The following FARS2 variants were observed in gnomAD, a reference collection of about 807,000 sequenced individuals.
FARS2 encodes phenylalanine--tRNA ligase, mitochondrial.
In FARS2, 40 loss-of-function variants were observed where a neutral mutation model predicts 46.4. The ratio of observed to expected loss-of-function variants is 0.86; its 90% confidence interval spans 0.67 to 1.12. The LOEUF (loss-of-function observed/expected upper bound fraction) is 1.12. Among genes scored for constraint, FARS2 ranks in the 50% most tolerant of loss-of-function variants. The pLI is 0.00. For synonymous variants in FARS2, 234 were observed against 214.9 expected (o/e 1.09, Z -0.78); for missense variants, 513 against 567.9 (o/e 0.90, Z 0.98).
chr6:5,686,128 G>A (rs1025147808), intron 6 of FARS2, among the ~76,000 whole-genome samples: 1 of 152,168 alleles, frequency 6.6e-6, no homozygotes, highest in Non-Finnish European at 1.5e-5. Context: ...GCCATAGTGA[G>A]TGCTCAATAG....
intron 6 of FARS2, among the ~76,000 whole-genome samples, chr6:5,753,342 A>G (rs192877837): frequency 1.3e-4 from 20 of 152,320 alleles, no homozygotes; most frequent in African/African-American, 4.6e-4. Context: ...CAGAATTTAT[A>G]TTTAAACCTC....
chr6:5,605,697 A>G (rs1401198869), intron 5 of FARS2, among the ~76,000 whole-genome samples: 1 of 152,208 alleles, frequency 6.6e-6, no homozygotes, highest in African/African-American at 2.4e-5. Context: ...CAAATCAGCA[A>G]TCAGAATGTG....
chr6:5,670,064 G>T (rs947795355), intron 6 of FARS2, among the ~76,000 whole-genome samples: 2 of 152,024 alleles, frequency 1.3e-5, no homozygotes, highest in African/African-American at 2.4e-5. Flanking sequence ...TCTTTCGTAG[G>T]CCTCCTTAAA....
intron 6 of FARS2, among the ~76,000 whole-genome samples, chr6:5,740,410 G>C (rs183488100): frequency 2.0e-5 from 3 of 152,230 alleles, no homozygotes; most frequent in Admixed American, 2.0e-4. Context: ...TTTTACCAAT[G>C]AGGTAAGTAA....
intron 4 of FARS2, among the ~76,000 whole-genome samples, chr6:5,537,340 T>C (rs1219463412): frequency 6.6e-6 from 1 of 152,262 alleles, no homozygotes; most frequent in Non-Finnish European, 1.5e-5. Context: ...CAATAACATT[T>C]ATTTTTAGTC....
chr6:5,422,163 T>TC (rs1175136226), intron 3 of FARS2, among the ~76,000 whole-genome samples: 3 of 152,048 alleles, frequency 2.0e-5, no homozygotes, highest in Non-Finnish European at 4.4e-5. Flanking sequence ...GCAGGGAAAC[T>TC]CCTGTTTTTA....
At chr6:5,687,824 A>C (rs1459777385) in intron 6 of FARS2, among the ~76,000 whole-genome samples, 1 of 152,096 alleles carries the variant, frequency 6.6e-6, no homozygotes, top group Non-Finnish European at 1.5e-5. Context: ...GATTCTTCCT[A>C]CCCATGAGTG....
intron 4 of FARS2, among the ~76,000 whole-genome samples, chr6:5,492,008 C>A (rs555401008): frequency 6.6e-6 from 1 of 152,034 alleles, no homozygotes; most frequent in Non-Finnish European, 1.5e-5. Context: ...ACTTCTTGAC[C>A]TCCCCAATAT....
At chr6:5,511,010 T>TC (rs1768418117) in intron 4 of FARS2, among the ~76,000 whole-genome samples, 1 of 152,164 alleles carries the variant, frequency 6.6e-6, no homozygotes, top group African/African-American at 2.4e-5. Flanking sequence ...CTGAGTTGTC[T>TC]CCCATGCTTG....
chr6:5,322,102 A>C (rs1472234936), intron 1 of FARS2, among the ~76,000 whole-genome samples: 1 of 152,216 alleles, frequency 6.6e-6, no homozygotes, highest in Non-Finnish European at 1.5e-5. Context: ...GTGACCAAAA[A>C]CAAACACGTG....
intron 6 of FARS2, among the ~76,000 whole-genome samples, chr6:5,625,763 ACT>A (rs1267900665): frequency 6.6e-6 from 1 of 152,082 alleles, no homozygotes; most frequent in Non-Finnish European, 1.5e-5. Flanking sequence ...GGGATGCGGG[ACT>A]CTGCTGTTAC....
At chr6:5,443,011 A>G (rs1293287654) in intron 4 of FARS2, among the ~76,000 whole-genome samples, 1 of 152,244 alleles carries the variant, frequency 6.6e-6, no homozygotes, top group Admixed American at 6.5e-5. Flanking sequence ...TATAAGAAAC[A>G]TCTGGAAAGC....
At chr6:5,634,782 C>T (rs1776463216) in intron 6 of FARS2, among the ~76,000 whole-genome samples, 1 of 152,188 alleles carries the variant, frequency 6.6e-6, no homozygotes, top group African/African-American at 2.4e-5. Flanking sequence ...CACAGTGTAG[C>T]CAGAAGTAAC....
chr6:5,360,311 A>G (rs1472136079), intron 1 of FARS2, among the ~76,000 whole-genome samples: 3 of 152,186 alleles, frequency 2.0e-5, no homozygotes. Flanking sequence ...TCATTCATGG[A>G]AGAAGCAGTT....
the FARS2 span, among the ~76,000 whole-genome samples, chr6:5,254,591 C>A: frequency 6.6e-6 from 1 of 152,210 alleles, no homozygotes; most frequent in Non-Finnish European, 1.5e-5. Context: ...TTTCTGGTAA[C>A]TGTGTATGTG....
At chr6:5,263,908 C>T (rs1185013205) in intron 1 of FARS2, among the ~76,000 whole-genome samples, 10 of 152,074 alleles carry the variant, frequency 6.6e-5, no homozygotes, top group Admixed American at 2.6e-4. Flanking sequence ...TAGTAACTTA[C>T]GATATTATTT....
At chr6:5,691,500 A>G (rs541342712) in intron 6 of FARS2, among the ~76,000 whole-genome samples, 6 of 152,350 alleles carry the variant, frequency 3.9e-5, no homozygotes, top group Non-Finnish European at 7.3e-5. Flanking sequence ...GCTGCAGAAC[A>G]GCGGATACTG....
At chr6:5,586,647 T>TTTTC (rs905213004) in intron 5 of FARS2, among the ~76,000 whole-genome samples, 8 of 152,110 alleles carry the variant, frequency 5.3e-5, no homozygotes, top group Admixed American at 1.3e-4. Context: ...TTGTCTGTAC[T>TTTTC]TTTCTTTCTT....
At chr6:5,315,761 T>TCTTTCTTTCTTCCTTTCTTTCTTTC (rs1561952069) in intron 1 of FARS2, among the ~76,000 whole-genome samples, 2 of 132,636 alleles carry the variant, frequency 1.5e-5, no homozygotes, top group Non-Finnish European at 1.6e-5. Flanking sequence ...TTTCTTTCTT[T>TCTTTCTTTCTTCCTTTCTTTCTTTC]TTTTTGGGGA....
Sources: allele counts gnomAD v4.1 joint callset (sites outside exome capture counted in the v4.1 genomes callset), GRCh38; gene constraint gnomAD v4.1.1; transcripts MANE v1.5; gene names NCBI Gene and HGNC (gene_info 2026-07-23, HGNC 2026-07-21).